DLG2: variants seen among roughly 807,000 people sequenced by gnomAD.
DLG2 encodes the protein disks large homolog 2.
A neutral mutation model predicts 132.5 loss-of-function variants in DLG2; 45 were observed. The observed-to-expected ratio is 0.34, with a 90% confidence interval of 0.27 to 0.44. The LOEUF (loss-of-function observed/expected upper bound fraction) is 0.44, where lower values mean the gene tolerates loss of function less well. Ranked by LOEUF, DLG2 falls within the 20% of genes least tolerant of loss-of-function variation. DLG2 has a pLI of 1.00. For synonymous variants in DLG2, 424 were observed against 419.6 expected (o/e 1.01, Z -0.13); for missense variants, 1,045 against 1,196.9 (o/e 0.87, Z 1.87).
intron 8 of DLG2, among the ~76,000 whole-genome samples, chr11:84,187,749 C>T (rs2096307982): frequency 6.6e-6 from 1 of 152,014 alleles, no homozygotes; most frequent in Non-Finnish European, 1.5e-5. Context: ...TGATGGGTAT[C>T]TGGATGAGAG....
chr11:84,065,687 C>T (rs984815901), intron 10 of DLG2, among the ~76,000 whole-genome samples: 1 of 152,144 alleles, frequency 6.6e-6, no homozygotes, highest in African/African-American at 2.4e-5. Flanking sequence ...ACAAAATTAC[C>T]ATTCAACCTA....
chr11:84,679,292 G>A (rs1008796148), intron 6 of DLG2, among the ~76,000 whole-genome samples: 3 of 151,922 alleles, frequency 2.0e-5, no homozygotes, highest in East Asian at 1.9e-4. Flanking sequence ...AATATTTCAC[G>A]TTTCAATGGA....
intron 3 of DLG2, among the ~76,000 whole-genome samples, chr11:85,383,233 ATGT>A (rs1457747955): frequency 1.3e-5 from 2 of 152,174 alleles, no homozygotes; most frequent in African/African-American, 4.8e-5. Flanking sequence ...AAAAGGCTAC[ATGT>A]TGTATGATTT....
At chr11:84,032,735 G>C (rs1208634715) in intron 11 of DLG2, among the ~76,000 whole-genome samples, 2 of 152,196 alleles carry the variant, frequency 1.3e-5, no homozygotes, top group Non-Finnish European at 2.9e-5. Flanking sequence ...GAGAGGAGAA[G>C]TCAATGCCTA....
At chr11:85,145,419 G>A (rs539611946) in intron 5 of DLG2, among the ~76,000 whole-genome samples, 1 of 152,086 alleles carries the variant, frequency 6.6e-6, no homozygotes, top group African/African-American at 2.4e-5. Context: ...TTTCTTACCT[G>A]ATCTCTTTCT....
intron 8 of DLG2, among the ~76,000 whole-genome samples, chr11:84,218,828 C>G (rs918869214): frequency 1.4e-4 from 21 of 152,162 alleles, no homozygotes; most frequent in Non-Finnish European, 2.6e-4. Context: ...AGGGAAGCTG[C>G]TAAACATTCT....
intron 3 of DLG2, among the ~76,000 whole-genome samples, chr11:85,403,298 G>A (rs188585131): frequency 1.3e-5 from 2 of 151,952 alleles, no homozygotes; most frequent in East Asian, 3.9e-4. Context: ...CAACAAGAAC[G>A]CATGCACACA....
rs780672813 is a variant in DLG2 at position 85,132,730 on chromosome 11, A to T, written c.283-20995T>A. On this transcript the variant is annotated intron_variant, in intron 5 of 27. Coordinates refer to ENST00000376104, the MANE Select transcript of DLG2 (RefSeq NM_001142699.3). ...TACGGGACCAGAATAATAATAGAAA[A>T]ATGCTGCACACAATAACAGCCCTGT... 2.0e-5 allele frequency: 9 copies of T among 456,620 alleles called. 1 individual carries two copies. The highest frequency in any genetic ancestry group is 1.4e-4 in the South Asian group (9 of 64,570). The allele number at this position is 456,620 out of a possible 1,614,324, so 28.3% of individuals were successfully genotyped here. A position where few individuals can be genotyped will look rare whatever the true frequency, so the allele number is the denominator to read the frequency against.
chr11:84,704,558 G>C (rs1318907490), intron 6 of DLG2, among the ~76,000 whole-genome samples: 1 of 151,412 alleles, frequency 6.6e-6, no homozygotes, highest in African/African-American at 2.4e-5. Context: ...CTGAAAATTA[G>C]AGGTAAAGAT....
chr11:84,057,755 T>G (rs1415838945), intron 11 of DLG2, among the ~76,000 whole-genome samples: 1 of 152,180 alleles, frequency 6.6e-6, no homozygotes, highest in East Asian at 1.9e-4. Flanking sequence ...GTGAATCAAC[T>G]CATCTAATCC....
At chr11:83,606,212 A>T (rs2059310204) in intron 19 of DLG2, among the ~76,000 whole-genome samples, 1 of 152,232 alleles carries the variant, frequency 6.6e-6, no homozygotes, top group Non-Finnish European at 1.5e-5. Flanking sequence ...GTCAGTATAC[A>T]CTACTATACA....
At chr11:84,107,568 T>C (rs965965889) in intron 9 of DLG2, among the ~76,000 whole-genome samples, 1 of 152,086 alleles carries the variant, frequency 6.6e-6, no homozygotes, top group African/African-American at 2.4e-5. Flanking sequence ...ATTATACTTG[T>C]ACAACATGTG....
At chr11:83,824,448 G>C (rs760791015) in intron 17 of DLG2, among the ~76,000 whole-genome samples, 3 of 152,016 alleles carry the variant, frequency 2.0e-5, no homozygotes, top group Non-Finnish European at 4.4e-5. Flanking sequence ...TTGGTACTTT[G>C]TGAATGTCTC....
In DLG2 at chr11:84,502,206, C is replaced by T. The variant is rs1201773722; in HGVS notation, c.519+32364G>A. Reference sequence around the variant, plus strand: ...TCTCTTTCTCTCTCTCTCTCTCCTTCCTTCCTTCCTTCCTTCCTTCCTTCC... The same window carrying T: ...TCTCTTTCTCTCTCTCTCTCTCCTTTCTTCCTTCCTTCCTTCCTTCCTTCC... On this transcript the variant is annotated intron_variant, in intron 7 of 27. Transcript: ENST00000376104. Among the ~76,000 whole-genome samples, 6 of 21,290 alleles carry T rather than the reference C, an allele frequency of 2.8e-4. 1 individual carries two copies. The highest frequency in any genetic ancestry group is 2.0e-3 in the African/African-American group (3 of 1,496). 14.0% of individuals were successfully genotyped at this position (21,290 alleles called of 152,430 possible). A position where few individuals can be genotyped will look rare whatever the true frequency, so the allele number is the denominator to read the frequency against.
chr11:84,107,690 T>A (rs1263455352), intron 9 of DLG2, among the ~76,000 whole-genome samples: 1 of 152,052 alleles, frequency 6.6e-6, no homozygotes, highest in African/African-American at 2.4e-5. Flanking sequence ...CGGTAAGTTA[T>A]AGTATTATTT....
At chr11:85,511,054 G>A (rs541704665) in intron 3 of DLG2, among the ~76,000 whole-genome samples, 19 of 152,154 alleles carry the variant, frequency 1.2e-4, no homozygotes, top group Admixed American at 5.9e-4. Flanking sequence ...AAAAAATGAT[G>A]AGTTCATGTC....
chr11:84,058,492 C>A (rs2096539138), intron 11 of DLG2, among the ~76,000 whole-genome samples: 1 of 82,954 alleles, frequency 1.2e-5, no homozygotes. Flanking sequence ...TCTGTCTCTA[C>A]CAAAAAACAA....
intron 6 of DLG2, among the ~76,000 whole-genome samples, chr11:84,783,603 A>T (rs2072234986): frequency 6.6e-6 from 1 of 152,194 alleles, no homozygotes; most frequent in African/African-American, 2.4e-5. Context: ...TTACACTGAT[A>T]TAACACTATA....
intron 17 of DLG2, chr11:83,814,968 T>C (rs2048433226): frequency 6.1e-6 from 1 of 164,072 alleles, no homozygotes; most frequent in Non-Finnish European, 1.4e-5. Flanking sequence ...ATTACAGCCA[T>C]TTCCAATAAT....
Sources: gnomAD v4.1 joint callset for allele counts (sites outside exome capture counted in the v4.1 genomes callset) on GRCh38, gnomAD v4.1.1 for gene constraint, MANE v1.5 for transcripts, NCBI Gene and HGNC (gene_info 2026-07-23, HGNC 2026-07-21) for gene names.